The following HECTD4 variants were observed in gnomAD, a reference collection of about 807,000 sequenced individuals.
HECTD4 encodes HECT domain E3 ubiquitin protein ligase 4, also known as probable E3 ubiquitin-protein ligase HECTD4.
A neutral mutation model predicts 471.5 loss-of-function variants in HECTD4; 114 were observed. That is an observed-to-expected ratio of 0.24 (90% confidence interval 0.21 to 0.28). The LOEUF is 0.28. HECTD4 is among the 10% of genes least tolerant of loss of function. The probability of loss-of-function intolerance (pLI) is 1.00; values close to 1 mark genes in which losing one functional copy is unlikely to be tolerated. For synonymous variants in HECTD4, 2,012 were observed against 2,256.0 expected (o/e 0.89, Z 3.07); for missense variants, 3,866 against 5,651.5 (o/e 0.68, Z 10.13).
intron 11 of HECTD4, among the ~76,000 whole-genome samples, chr12:112,271,381 G>A (rs953076229): frequency 2.0e-5 from 3 of 152,104 alleles, no homozygotes; most frequent in South Asian, 2.1e-4. Flanking sequence ...AGGGAGAAGT[G>A]GAATCTTAAT....
chr12:112,279,783 G>A (rs150170068), intron 8 of HECTD4, among the ~76,000 whole-genome samples: 1 of 152,258 alleles, frequency 6.6e-6, no homozygotes, highest in Admixed American at 6.5e-5. Context: ...TGAAATGCCT[G>A]GGACCAGAAG....
chr12:112,291,214 G>A (rs973553901), intron 7 of HECTD4, among the ~76,000 whole-genome samples: 2 of 151,840 alleles, frequency 1.3e-5, no homozygotes, highest in African/African-American at 2.4e-5. Flanking sequence ...AAAAGAACTA[G>A]TAATATCCGC....
intron 29 of HECTD4, among the ~76,000 whole-genome samples, chr12:112,244,400 G>A (rs956217259): frequency 3.3e-5 from 5 of 151,810 alleles, no homozygotes; most frequent in East Asian, 1.9e-4. Flanking sequence ...GATGGGTCTC[G>A]CTCTGTCACC....
At position 112,235,597 on chromosome 12, in the gene HECTD4, G is replaced by A. The variant is rs1224116529; in HGVS notation, c.5632C>T (p.Pro1878Ser). Residue 1878 changes from proline (P) to serine (S), a missense_variant, in exon 36 of 76, where the codon CCC becomes TCC. This residue lies in a region of HECTD4 where 617 missense variants were observed against 915.1 expected (regional missense o/e 0.67). Coordinates refer to ENST00000682272, the MANE Select transcript of HECTD4 (RefSeq NM_001388303.1). The surrounding 1 kb of genome is among the most constrained non-coding windows in gnomAD (Gnocchi z 5.0). ...VELPPWSYSVPSLNSEQEDPS... is the reference protein window; with the variant it reads ...VELPPWSYSVSSLNSEQEDPS... The stretch of plus-strand genomic sequence containing the variant: ...TCCTCCTGCTCACTGTTTAAGGAGG[G>A]GACAGAGTAGCTCCAGGGTGGGAGC... The A allele has an allele frequency of 3.1e-6, 5 of 1,613,900 alleles. No individual in the cohort carries two copies. The highest frequency in any genetic ancestry group is 1.1e-5 in the South Asian group (1 of 91,090).
intron 21 of HECTD4, 22 bp downstream of exon 21, chr12:112,256,298 T>C (rs769691572): frequency 2.0e-6 from 3 of 1,513,154 alleles, no homozygotes; most frequent in Admixed American, 4.1e-5. Flanking sequence ...GTGGAACCAA[T>C]AGTAACCCAG....
At chr12:112,176,562 C>A in intron 65 of HECTD4, 34 bp downstream of exon 65, 1 of 1,485,098 alleles carries the variant, frequency 6.7e-7, no homozygotes, top group Non-Finnish European at 9.4e-7. Flanking sequence ...GGAAGTAGGT[C>A]CCAGCCCACT....
chr12:112,355,479 G>T (rs903204841), intron 1 of HECTD4, among the ~76,000 whole-genome samples: 2 of 146,378 alleles, frequency 1.4e-5, no homozygotes, highest in Non-Finnish European at 3.0e-5. Flanking sequence ...AAAAATAAAG[G>T]CCAGGCACGG....
chr12:112,354,719 C>T (rs985295060), intron 1 of HECTD4, among the ~76,000 whole-genome samples: 18 of 152,024 alleles, frequency 1.2e-4, no homozygotes, highest in African/African-American at 3.4e-4. Flanking sequence ...CACACACGCA[C>T]GCACAAACAC....
At chr12:112,250,062 A>C (rs2033845717) in intron 25 of HECTD4, 82 bp downstream of exon 25, 2 of 945,650 alleles carry the variant, frequency 2.1e-6, no homozygotes, top group Admixed American at 4.3e-5. Flanking sequence ...CATTTACTAG[A>C]CCACAGAAGA....
chr12:112,264,014 G>A, intron 17 of HECTD4, 70 bp downstream of exon 17: 1 of 1,430,466 alleles, frequency 7.0e-7, no homozygotes, highest in Non-Finnish European at 9.3e-7. Flanking sequence ...ATAAAACACA[G>A]AAATTTAGCC....
At chr12:112,216,971 T>C in intron 46 of HECTD4, 50 bp from the exon 47 acceptor site, 2 of 1,598,442 alleles carry the variant, frequency 1.3e-6, no homozygotes, top group African/African-American at 1.3e-5. Flanking sequence ...ATCCTGGGCC[T>C]GAGACCTGCT....
intron 55 of HECTD4, among the ~76,000 whole-genome samples, chr12:112,196,931 G>C (rs2032263422): frequency 1.3e-5 from 2 of 152,132 alleles, no homozygotes; most frequent in African/African-American, 2.4e-5. Context: ...AAGTAGCGGG[G>C]ATTACAGGCG....
At chr12:112,266,887 A>G (rs2034287654) in intron 14 of HECTD4, 25 bp downstream of exon 14, 2 of 1,209,448 alleles carry the variant, frequency 1.7e-6, no homozygotes, top group South Asian at 1.3e-5. Flanking sequence ...CGGCTGTTCA[A>G]AGATAATTAA....
At chr12:112,165,519 T>C (rs1300273504) in intron 72 of HECTD4, among the ~76,000 whole-genome samples, 1 of 150,586 alleles carries the variant, frequency 6.6e-6, no homozygotes, top group Non-Finnish European at 1.5e-5. Context: ...GCCTGGCTAA[T>C]TTTTTGTATT....
intron 44 of HECTD4, among the ~76,000 whole-genome samples, chr12:112,224,418 C>A (rs1041520009): frequency 6.6e-6 from 1 of 152,024 alleles, no homozygotes; most frequent in African/African-American, 2.4e-5. Flanking sequence ...AGGTGCCCGC[C>A]ACCACGCCTG....
chr12:112,256,288 G>C, intron 21 of HECTD4, 32 bp downstream of exon 21: 2 of 1,452,132 alleles, frequency 1.4e-6, no homozygotes, highest in Non-Finnish European at 1.8e-6. Context: ...CTTACTCGAG[G>C]TGGAACCAAT....
chr12:112,178,807 G>T, intron 64 of HECTD4, 124 bp downstream of exon 64: 1 of 1,144,444 alleles, frequency 8.7e-7, no homozygotes, highest in Non-Finnish European at 1.2e-6. Flanking sequence ...GGGCGACAAA[G>T]CATGACAAAA....
intron 1 of HECTD4, among the ~76,000 whole-genome samples, chr12:112,336,652 C>T (rs1367712017): frequency 6.6e-6 from 1 of 151,726 alleles, no homozygotes; most frequent in Admixed American, 6.6e-5. Context: ...AAAAGGAGTA[C>T]TCATCTTTTG....
At chr12:112,313,785 T>G (rs941298160) in intron 3 of HECTD4, among the ~76,000 whole-genome samples, 1 of 152,082 alleles carries the variant, frequency 6.6e-6, no homozygotes. Flanking sequence ...CATCACGCCC[T>G]GCTACAATAT....
Sources: gnomAD v4.1 joint callset for allele counts (sites outside exome capture counted in the v4.1 genomes callset) on GRCh38, gnomAD v4.1.1 for gene constraint, gnomAD v4.1.1 regional missense constraint, Gnocchi (gnomAD v3.1) non-coding constraint, MANE v1.5 for transcripts, NCBI Gene and HGNC (gene_info 2026-07-23, HGNC 2026-07-21) for gene names.